Variants in BCL11A observed in about 807,000 individuals in gnomAD.
BCL11A encodes the protein B cell CLL/lymphoma 11A.
BCL11A carries 2 observed loss-of-function variants against 55.9 expected under a neutral mutation model. That is an observed-to-expected ratio of 0.04 (90% CI 0.01 to 0.11). BCL11A has a LOEUF of 0.11. Ranked by LOEUF, BCL11A falls within the 10% of genes least tolerant of loss-of-function variation. BCL11A has a pLI of 1.00. For missense variants in BCL11A, 817 were observed against 1,137.1 expected, an observed-to-expected ratio of 0.72 and a Z score of 4.05; for synonymous variants, 465 against 473.4, an observed-to-expected ratio of 0.98 and a Z score of 0.23.
At chr2:60,530,808 T>C (rs565574801) in intron 2 of BCL11A, among the ~76,000 whole-genome samples, 51 of 152,178 alleles carry the variant, frequency 3.4e-4, no homozygotes, top group African/African-American at 1.2e-3. Context: ...AACCAGGGCC[T>C]GCACCTCCCC....
chr2:60,495,837 T>C (rs1678914980), intron 2 of BCL11A: 1 of 152,188 alleles, frequency 6.6e-6, no homozygotes, highest in African/African-American at 2.4e-5. Context: ...CCAAAAACCC[T>C]TGCCACCATG....
intron 2 of BCL11A, among the ~76,000 whole-genome samples, chr2:60,516,963 A>G (rs1006485827): frequency 1.3e-5 from 2 of 152,238 alleles, no homozygotes; most frequent in East Asian, 3.8e-4. Flanking sequence ...CAGGTTCAGG[A>G]AAGAGATTAT....
intron 2 of BCL11A, among the ~76,000 whole-genome samples, chr2:60,484,995 C>CA (rs1380541684): frequency 1.4e-5 from 2 of 144,736 alleles, no homozygotes; most frequent in East Asian, 2.0e-4. Flanking sequence ...ACCAACCAAA[C>CA]AAAAAACAGT....
At chr2:60,488,256 A>T (rs1306936112) in intron 2 of BCL11A, among the ~76,000 whole-genome samples, 2 of 152,228 alleles carry the variant, frequency 1.3e-5, no homozygotes, top group Non-Finnish European at 2.9e-5. Flanking sequence ...TAACTGAACA[A>T]TGTCTCCAAG....
At chr2:60,474,409 C>T (rs1452623179) in intron 2 of BCL11A, among the ~76,000 whole-genome samples, 2 of 152,008 alleles carry the variant, frequency 1.3e-5, no homozygotes, top group Non-Finnish European at 1.5e-5. Flanking sequence ...AAGGCAAATC[C>T]TTCATTTCAA....
At chr2:60,513,758 G>C (rs1296526430) in intron 2 of BCL11A, among the ~76,000 whole-genome samples, 3 of 152,206 alleles carry the variant, frequency 2.0e-5, no homozygotes, top group African/African-American at 7.2e-5. Flanking sequence ...CTGAGTCCTA[G>C]CTCTAGCACT....
rs554884428 is a variant in BCL11A, at chr2:60,460,774, C to G, written c.2138G>C (p.Arg713Pro). The change falls in exon 4 of 4, where the codon CGC (arginine) becomes CCC (proline). Residue 713 changes from arginine to proline, a missense_variant. Around this residue, in one of 4 missense-constraint regions of BCL11A, gnomAD observed 379 missense variants for 425.3 expected, o/e 0.89. Coordinates refer to ENST00000642384, the MANE Select transcript of BCL11A (RefSeq NM_022893.4). ...GCTCCCTCCACTTCCCGTGCCGCTG[C>G]GCCCCGAGATCCCTCCGTCCAGCTC... is the stretch of plus-strand genomic sequence containing the variant. ...PGELDGGISG[R>P]SGTGSGGSTP... is the part of the protein sequence containing the mutation. 8 of 1,613,374 alleles carry G rather than the reference C, an allele frequency of 5.0e-6. No individual in the cohort carries two copies. In the East Asian group the frequency reaches 6.7e-5, roughly 13 times the overall value.
chr2:60,461,978 C>A lies in BCL11A; in HGVS notation c.934G>T (p.Ala312Ser). 1 of 1,613,758 alleles carries A rather than the reference C, an allele frequency of 6.2e-7. No individual in the cohort carries two copies. The highest frequency in any genetic ancestry group is 8.5e-7 in the Non-Finnish European group (1 of 1,180,014). The change falls in exon 4 of 4, where the codon GCC becomes TCC. Residue 312 changes from alanine to serine, a missense_variant. Physicochemically the swap from Ala to Ser is moderately conservative, Grantham distance 99. Transcript: ENST00000642384. ...RLNPMAMEPP[A>S]MDFSRRLREL... The stretch of plus-strand genomic sequence containing the variant: ...CTAAGTCTCCTAGAGAAATCCATGG[C>A]GGGAGGCTCCATAGCCATTGGATTC...
chr2:60,480,297 C>T (rs1329808280), intron 2 of BCL11A, among the ~76,000 whole-genome samples: 1 of 152,258 alleles, frequency 6.6e-6, no homozygotes, highest in Non-Finnish European at 1.5e-5. Context: ...CAGCATGTAT[C>T]TACCACTGGT....
chr2:60,469,275 G>A (rs1303737525), intron 2 of BCL11A, among the ~76,000 whole-genome samples: 1 of 152,176 alleles, frequency 6.6e-6, no homozygotes, highest in Non-Finnish European at 1.5e-5. Flanking sequence ...AAAGCAAAAT[G>A]CTGATAGGAA....
Position 60,545,762 on chromosome 2 carries a change from AC to A in BCL11A, c.385+208del, listed in dbSNP as rs1238860133. 7.0e-6 allele frequency: 4 copies of A among 569,184 alleles called. No homozygotes were observed. In the Admixed American group the frequency reaches 1.2e-4, roughly 18 times the overall value. 35.3% of individuals were successfully genotyped at this position (569,184 alleles called of 1,614,324 possible). A position where few individuals can be genotyped will look rare whatever the true frequency, so the allele number is the denominator to read the frequency against. On this transcript the variant is annotated intron_variant, in intron 2 of 3. Coordinates refer to ENST00000642384, the MANE Select transcript of BCL11A (RefSeq NM_022893.4). Reference sequence around the variant, plus strand: ...TCTGATGTGTGTACCTATCCTGCCTACATCTGATTCAGTGAGGTGGAAAATA... The same window carrying A: ...TCTGATGTGTGTACCTATCCTGCCTAATCTGATTCAGTGAGGTGGAAAATA...
At chr2:60,496,711 GACTT>G (rs1215723228) in intron 2 of BCL11A, 1 of 152,400 alleles carries the variant, frequency 6.6e-6, no homozygotes, top group Non-Finnish European at 1.5e-5. Flanking sequence ...TGACCACACA[GACTT>G]ACTTACATGC....
intron 2 of BCL11A, among the ~76,000 whole-genome samples, chr2:60,478,999 T>C (rs541172923): frequency 5.9e-5 from 9 of 152,174 alleles, no homozygotes; most frequent in Admixed American, 3.3e-4. Context: ...CCTGGCTTTT[T>C]ACCCAATTTC....
chr2:60,511,156 C>A lies in BCL11A; in HGVS notation c.385+34815G>T, dbSNP rs192558330. On this transcript the variant is annotated intron_variant, in intron 2 of 3. Coordinates refer to ENST00000642384, the MANE Select transcript of BCL11A (RefSeq NM_022893.4). ...TCCCAGCTGCCTCCACGGCATTACT[C>A]TCCCTCCATTCTTGCTTTCAGATTC... Among the ~76,000 whole-genome samples, 536 of 152,188 alleles carry A rather than the reference C, an allele frequency of 3.5e-3. 1 individual carries two copies. The highest frequency in any genetic ancestry group is 5.4e-3 in the Non-Finnish European group (367 of 67,996).
Position 60,553,487 on chromosome 2 carries a change from A to AAAAC in BCL11A, c.-218_-217insGTTT, listed in dbSNP as rs1670508842. On this transcript the variant is annotated 5_prime_UTR_variant, in exon 1 of 4. Transcript: ENST00000642384. ...CGTCATGGCTTTTTTTTAAGCAAAA[A>AAAAC]AAAAAAAAAAAAAAAAAAAAAAAAG... 4.9e-6 allele frequency: 1 copy of AAAAC among 204,384 alleles called. No homozygotes were observed. The highest frequency in any genetic ancestry group is 7.9e-6 in the Non-Finnish European group (1 of 126,104). The allele number at this position is 204,384 out of a possible 1,614,324, so 12.7% of individuals were successfully genotyped here.
Position 60,553,383 on chromosome 2 carries a change from T to G in BCL11A, c.-113A>C. On this transcript the variant is annotated 5_prime_UTR_variant, in exon 1 of 4. Coordinates refer to ENST00000642384, the MANE Select transcript of BCL11A (RefSeq NM_022893.4). ...AGAAGGAGACTCCAGAGAAAATATCTTCATCAGTGCCTTTTGACATCCAAA... is the reference window on the plus strand; with the variant it reads ...AGAAGGAGACTCCAGAGAAAATATCGTCATCAGTGCCTTTTGACATCCAAA... 2 of 1,058,778 alleles carry G rather than the reference T, an allele frequency of 1.9e-6. No homozygotes were observed. Among genetic ancestry groups the G allele is most frequent in the Non-Finnish European group, 2.7e-6 (2 of 727,960 alleles). The allele number at this position is 1,058,778 out of a possible 1,614,324, so 65.6% of individuals were successfully genotyped here. A position where few individuals can be genotyped will look rare whatever the true frequency, so the allele number is the denominator to read the frequency against.
chr2:60,460,836 C>G lies in BCL11A; in HGVS notation c.2076G>C (p.Ser692=). ...SPFASSSEHS[S]ENGSLRFSTP... is the part of the protein sequence containing the mutation. ...TGGAGAAGCGCAAACTCCCGTTCTC[C>G]GAGGAGTGCTCCGACGAGGAGGCAA... The change falls in exon 4 of 4, where the codon TCG becomes TCC. Residue 692 remains serine, a synonymous_variant. Coordinates refer to ENST00000642384, the MANE Select transcript of BCL11A (RefSeq NM_022893.4). 3 of 1,612,672 alleles carry G rather than the reference C, an allele frequency of 1.9e-6. No individual in the cohort carries two copies. The highest frequency in any genetic ancestry group is 4.5e-5 in the East Asian group (2 of 44,850).
At chr2:60,452,510 A>T, downstream of BCL11A, 2 of 1,322,450 alleles carry the variant, frequency 1.5e-6, no homozygotes, top group Non-Finnish European at 2.2e-6. Context: ...TAGCAGGATG[A>T]CAGACCACGC....
intron 2 of BCL11A, among the ~76,000 whole-genome samples, chr2:60,524,335 G>C (rs1359023740): frequency 1.1e-4 from 16 of 152,190 alleles, no homozygotes; most frequent in Admixed American, 1.0e-3. Context: ...TCTCTGGCAT[G>C]AATGTTATCA....
Sources: allele counts gnomAD v4.1 joint callset (sites outside exome capture counted in the v4.1 genomes callset), GRCh38; gene constraint gnomAD v4.1.1; regional missense constraint gnomAD v4.1.1; transcripts MANE v1.5; gene names NCBI Gene and HGNC (gene_info 2026-07-23, HGNC 2026-07-21).